Variants in GLIPR1L2 observed in about 807,000 individuals in gnomAD.
The protein encoded by GLIPR1L2 is GLIPR1 like 2, also known as GLIPR1-like protein 2.
GLIPR1L2 carries 21 observed loss-of-function variants against 28.4 expected under a neutral mutation model. The ratio of observed to expected loss-of-function variants is 0.74; its 90% CI spans 0.52 to 1.06. The LOEUF (loss-of-function observed/expected upper bound fraction) is 1.06, where lower values mean the gene tolerates loss of function less well. Ranked by LOEUF, GLIPR1L2 falls within the 50% of genes least tolerant of loss-of-function variation. The probability of loss-of-function intolerance (pLI) is 0.00; values close to 1 mark genes in which losing one functional copy is unlikely to be tolerated. For synonymous variants in GLIPR1L2, 145 were observed against 139.3 expected (o/e 1.04, Z -0.29); for missense variants, 476 against 416.9 (o/e 1.14, Z -1.23).
intron 1 of GLIPR1L2, among the ~76,000 whole-genome samples, chr12:75,407,107 C>T (rs1373407480): frequency 1.3e-5 from 2 of 152,018 alleles, no homozygotes; most frequent in Non-Finnish European, 2.9e-5. Flanking sequence ...AGCAAGAACC[C>T]CCTCAAACTT....
intron 4 of GLIPR1L2, chr12:75,423,275 T>C: frequency 8.2e-7 from 1 of 1,220,326 alleles, no homozygotes; most frequent in East Asian, 3.7e-5. Context: ...CTTCACAGTT[T>C]ATGCCCAAAC....
Position 75,430,990 on chromosome 12 carries a change from A to G in GLIPR1L2, c.864A>G (p.Ile288Met). ...ATATCTTGTTGGAACAACAAATGAT[A>G]TTTACCCCTGAGGAATCTGAAGCAG... is the stretch of plus-strand genomic sequence containing the variant. ...FPNILLEQQM[I>M]FTPEESEAGN... The change falls in exon 6 of 6, where the codon ATA (isoleucine) becomes ATG (methionine). Residue 288 changes from isoleucine to methionine, a missense_variant. Ile to Met is a conservative substitution (Grantham distance 10). Coordinates refer to ENST00000550916, the MANE Select transcript of GLIPR1L2 (RefSeq NM_001270396.2). 1 of 1,535,662 alleles carries G rather than the reference A, an allele frequency of 6.5e-7. No individual in the cohort carries two copies. Among genetic ancestry groups the G allele is most frequent in the Non-Finnish European group, 8.7e-7 (1 of 1,146,606 alleles).
At chr12:75,425,508 G>A (rs1286687374) in intron 4 of GLIPR1L2, among the ~76,000 whole-genome samples, 1 of 152,196 alleles carries the variant, frequency 6.6e-6, no homozygotes, top group Admixed American at 6.5e-5. Context: ...GCCCAGAGCT[G>A]GGTTTCAAAG....
At position 75,409,559 on chromosome 12, in the gene GLIPR1L2, G is replaced by GTA. The variant is rs751061979; in HGVS notation, c.235-874_235-873insAT. 2.5e-3 allele frequency among the ~76,000 whole-genome samples: 255 copies of GTA among 102,120 alleles called. 5 individuals carry two copies. Among genetic ancestry groups the GTA allele is most frequent in the Admixed American group, 4.0e-3 (37 of 9,358 alleles). 67.0% of individuals were successfully genotyped at this position (102,120 alleles called of 152,430 possible). ...ATGTGTTAAAAGATTTTTTTTGGGT[G>GTA]TGTGTGTATATATATATATACACAC... is the stretch of plus-strand genomic sequence containing the variant. On this transcript the variant is annotated intron_variant, in intron 1 of 5. Coordinates refer to ENST00000550916, the MANE Select transcript of GLIPR1L2 (RefSeq NM_001270396.2).
chr12:75,391,495 G>C, intron 1 of GLIPR1L2, 145 bp downstream of exon 1: 1 of 1,541,580 alleles, frequency 6.5e-7, no homozygotes, highest in Non-Finnish European at 8.7e-7. Flanking sequence ...TACACGTGAA[G>C]TTTACACAGA....
chr12:75,391,277 T>C lies in GLIPR1L2; in HGVS notation c.161T>C (p.Ile54Thr). ...FLPDEEDVDFINEYVNLHNEL... is the reference protein window; with the variant it reads ...FLPDEEDVDFTNEYVNLHNEL... ...CCAGACGAGGAGGACGTAGACTTTA[T>C]CAACGAGTACGTGAACCTCCACAAT... The change falls in exon 1 of 6, where the codon ATC becomes ACC. Residue 54 changes from isoleucine (I) to threonine (T), a missense_variant. Transcript: ENST00000550916. 1 of 1,614,208 alleles carries C rather than the reference T, an allele frequency of 6.2e-7. No homozygotes were observed. Among genetic ancestry groups the C allele is most frequent in the Admixed American group, 1.7e-5 (1 of 60,032 alleles).
At chr12:75,414,504 G>A (rs1364154822) in intron 3 of GLIPR1L2, among the ~76,000 whole-genome samples, 1 of 152,038 alleles carries the variant, frequency 6.6e-6, no homozygotes, top group Admixed American at 6.6e-5. Context: ...ATTACTGATT[G>A]TATTCCCCTG....
Position 75,391,166 on chromosome 12 carries a change from C to T in GLIPR1L2, c.50C>T (p.Pro17Leu), listed in dbSNP as rs370742897. The T allele has an allele frequency of 4.3e-6, 7 of 1,614,204 alleles. No homozygotes were observed. The highest frequency in any genetic ancestry group is 1.7e-5 in the Admixed American group (1 of 60,034). ...FAREWRAQSL[P>L]LAVGGVLKLR... The stretch of plus-strand genomic sequence containing the variant: ...CGGGAGTGGAGGGCCCAGTCCCTAC[C>T]CCTGGCAGTAGGGGGCGTTTTGAAG... Residue 17 changes from proline to leucine, a missense_variant, in exon 1 of 6, where the codon CCC (proline) becomes CTC (leucine). By Grantham distance (98) the Pro-to-Leu change is moderately conservative. Coordinates refer to ENST00000550916, the MANE Select transcript of GLIPR1L2 (RefSeq NM_001270396.2).
At chr12:75,430,784 T>G (rs760715893) in intron 5 of GLIPR1L2, 40 bp from the exon 6 acceptor site, 8 of 1,533,000 alleles carry the variant, frequency 5.2e-6, no homozygotes, top group Non-Finnish European at 6.1e-6. Flanking sequence ...TTGAACTGCT[T>G]TATATGAAAT....
chr12:75,411,979 G>A (rs1275206386), intron 2 of GLIPR1L2, among the ~76,000 whole-genome samples: 1 of 151,848 alleles, frequency 6.6e-6, no homozygotes, highest in Non-Finnish European at 1.5e-5. Flanking sequence ...TTTCTCTTTT[G>A]TAGGAACCAG....
chr12:75,391,911 C>T (rs2045612294), intron 1 of GLIPR1L2, among the ~76,000 whole-genome samples: 1 of 149,592 alleles, frequency 6.7e-6, no homozygotes, highest in African/African-American at 2.5e-5. Context: ...AAATTTGGCT[C>T]CTAAGGAAGT....
At chr12:75,402,999 C>A (rs1594006261) in intron 1 of GLIPR1L2, 1 of 456,762 alleles carries the variant, frequency 2.2e-6, no homozygotes, top group Admixed American at 2.4e-5. Flanking sequence ...GTGTCATGAA[C>A]AATTTTTCCT....
At chr12:75,416,801 C>G in intron 3 of GLIPR1L2, among the ~76,000 whole-genome samples, 1 of 152,100 alleles carries the variant, frequency 6.6e-6, no homozygotes, top group East Asian at 1.9e-4. Flanking sequence ...AATTTGTTAA[C>G]CATTTTTCCT....
Position 75,421,080 on chromosome 12 carries a change from G to A in GLIPR1L2, c.585-1824G>A, listed in dbSNP as rs1325026581. Among the ~76,000 whole-genome samples, 5 of 152,242 alleles carry A rather than the reference G, an allele frequency of 3.3e-5. No individual in the cohort carries two copies. The East Asian group carries it at 9.7e-4, about 29-fold the overall frequency. On this transcript the variant is annotated intron_variant, in intron 3 of 5. Coordinates refer to ENST00000550916, the MANE Select transcript of GLIPR1L2 (RefSeq NM_001270396.2). ...CTTTTTACTTAGGTATAAGGACAGA[G>A]GTCCCCCATCCTTGGGACCTTAGGA...
chr12:75,404,803 T>G (rs2045778536), intron 1 of GLIPR1L2, among the ~76,000 whole-genome samples: 1 of 152,172 alleles, frequency 6.6e-6, no homozygotes, highest in Non-Finnish European at 1.5e-5. Context: ...TAGGTAGCTT[T>G]GTTTAGTGTT....
At chr12:75,407,521 AG>A (rs2139936686) in intron 1 of GLIPR1L2, among the ~76,000 whole-genome samples, 1 of 152,284 alleles carries the variant, frequency 6.6e-6, no homozygotes, top group East Asian at 1.9e-4. Context: ...TCTAGAGCTG[AG>A]GAGAGACATA....
At chr12:75,420,260 G>A (rs2045963630) in intron 3 of GLIPR1L2, among the ~76,000 whole-genome samples, 4 of 152,198 alleles carry the variant, frequency 2.6e-5, no homozygotes, top group Admixed American at 2.6e-4. Flanking sequence ...CAAGCTATGG[G>A]CTGGATTACC....
chr12:75,407,714 T>C (rs1296467759), intron 1 of GLIPR1L2, among the ~76,000 whole-genome samples: 3 of 152,112 alleles, frequency 2.0e-5, no homozygotes, highest in East Asian at 1.9e-4. Flanking sequence ...TGCAAATTCA[T>C]TGTGTCTGAT....
intron 1 of GLIPR1L2, among the ~76,000 whole-genome samples, chr12:75,396,484 G>A (rs181644486): frequency 6.6e-6 from 1 of 152,266 alleles, no homozygotes; most frequent in East Asian, 1.9e-4. Context: ...TCTTTTAATA[G>A]CTCATTCAGC....
Sources: gnomAD v4.1 joint callset for allele counts (sites outside exome capture counted in the v4.1 genomes callset) on GRCh38, gnomAD v4.1.1 for gene constraint, MANE v1.5 for transcripts, NCBI Gene and HGNC (gene_info 2026-07-23, HGNC 2026-07-21) for gene names.